HRH1: variants seen among roughly 807,000 people sequenced by gnomAD.
HRH1 encodes the protein histamine H1 receptor.
In HRH1, 6 loss-of-function variants were observed where a neutral mutation model predicts 10.3. The ratio of observed to expected loss-of-function variants is 0.58; its 90% CI spans 0.32 to 1.15. The LOEUF is 1.15. HRH1 is among the 50% of genes most tolerant of loss of function. The pLI is 0.05. For missense variants in HRH1, 514 were observed against 615.3 expected (o/e 0.84, Z 1.74); for synonymous variants, 242 against 236.7 (o/e 1.02, Z -0.21).
intron 1 of HRH1, among the ~76,000 whole-genome samples, chr3:11,219,714 CAAAAAAAA>C (rs58875644): frequency 1.3e-5 from 1 of 76,778 alleles, no homozygotes; most frequent in African/African-American, 5.0e-5. Flanking sequence ...GACTTCATCT[CAAAAAAAA>C]AAAAAAAAAA....
chr3:11,200,649 C>G (rs1559268666), intron 1 of HRH1, among the ~76,000 whole-genome samples: 1 of 152,172 alleles, frequency 6.6e-6, no homozygotes, highest in African/African-American at 2.4e-5. Flanking sequence ...ACTTATACCT[C>G]GCACAGAGTA....
chr3:11,260,017 G>A lies in HRH1; in HGVS notation c.980G>A (p.Ser327Asn). The change falls in exon 2 of 2, where the codon AGC (serine) becomes AAC (asparagine). Residue 327 changes from serine to asparagine, a missense_variant. By Grantham distance (46) the Ser-to-Asn change is conservative. Transcript: ENST00000431010. ...SSRDYVAVNRSHGQLKTDEQG... is the reference protein window; with the variant it reads ...SSRDYVAVNRNHGQLKTDEQG... The stretch of plus-strand genomic sequence containing the variant: ...AGGGACTATGTAGCCGTCAACCGGA[G>A]CCATGGCCAGCTCAAGACAGATGAG... 2 of 1,614,160 alleles carry A rather than the reference G, an allele frequency of 1.2e-6. No individual in the cohort carries two copies. The highest frequency in any genetic ancestry group is 1.7e-6 in the Non-Finnish European group (2 of 1,180,036).
At chr3:11,218,195 C>T (rs533718487) in intron 1 of HRH1, among the ~76,000 whole-genome samples, 109 of 152,112 alleles carry the variant, frequency 7.2e-4, no homozygotes, top group African/African-American at 2.6e-3. Context: ...GCCTGTAATC[C>T]CAGCACTTTG....
intron 1 of HRH1, chr3:11,234,652 T>C (rs1939129297): frequency 1.5e-6 from 2 of 1,317,936 alleles, no homozygotes; most frequent in African/African-American, 1.4e-5. Context: ...TATGATTCGA[T>C]CCTTCCCTTC....
intron 1 of HRH1, among the ~76,000 whole-genome samples, chr3:11,200,823 T>G (rs1254895038): frequency 1.3e-5 from 2 of 152,274 alleles, no homozygotes; most frequent in East Asian, 3.9e-4. Context: ...CTCCTTCATC[T>G]GGGAAATGGG....
chr3:11,234,499 G>T, intron 1 of HRH1: 1 of 1,461,062 alleles, frequency 6.8e-7, no homozygotes, highest in Non-Finnish European at 9.6e-7. Context: ...CACAGGGGCC[G>T]CTGGCCATTC....
chr3:11,159,871 T>C (rs1432234672), intron 1 of HRH1, among the ~76,000 whole-genome samples: 1 of 152,148 alleles, frequency 6.6e-6, no homozygotes, highest in Non-Finnish European at 1.5e-5. Flanking sequence ...AAGGAGGAAC[T>C]TGCTACCAAT....
chr3:11,258,341 G>A (rs1381839879), intron 1 of HRH1, among the ~76,000 whole-genome samples: 1 of 151,920 alleles, frequency 6.6e-6, no homozygotes, highest in East Asian at 1.9e-4. Flanking sequence ...TCCAGAGTTG[G>A]CTCAGCAGCT....
At chr3:11,242,965 G>A (rs1204208936) in intron 1 of HRH1, among the ~76,000 whole-genome samples, 2 of 151,832 alleles carry the variant, frequency 1.3e-5, no homozygotes, top group Admixed American at 6.6e-5. Context: ...CCAGGCTGGA[G>A]TGCAGTGGCA....
intron 1 of HRH1, among the ~76,000 whole-genome samples, chr3:11,144,429 A>ACATAGACG (rs1936369712): frequency 2.3e-5 from 1 of 44,368 alleles, no homozygotes; most frequent in Non-Finnish European, 6.2e-5. Context: ...GTATATATAC[A>ACATAGACG]TATAGACATA....
In HRH1 at chr3:11,260,283, C is replaced by T; in HGVS notation, c.1246C>T (p.Gln416Ter). ...HMNRERKAAK[Q>*]LGFIMAAFIL... is the part of the protein sequence containing the mutation. ...GAACCGCGAAAGGAAGGCCGCCAAA[C>T]AGTTGGGTTTTATCATGGCAGCCTT... is the stretch of plus-strand genomic sequence containing the variant. Residue 416 changes from glutamine to a stop codon, truncating the protein, a stop_gained, in exon 2 of 2, where the codon CAG becomes TAG. Transcript: ENST00000431010. LOFTEE classifies it high-confidence loss of function. 1.2e-6 allele frequency: 2 copies of T among 1,614,182 alleles called. No homozygotes were observed. Among genetic ancestry groups the T allele is most frequent in the Non-Finnish European group, 1.7e-6 (2 of 1,180,010 alleles).
intron 1 of HRH1, among the ~76,000 whole-genome samples, chr3:11,258,587 C>A (rs1425964668): frequency 6.6e-6 from 1 of 152,190 alleles, no homozygotes; most frequent in Non-Finnish European, 1.5e-5. Context: ...ATCTCATGGT[C>A]ACTCCTCTAT....
chr3:11,144,609 C>T (rs1181830094), intron 1 of HRH1, among the ~76,000 whole-genome samples: 3 of 151,520 alleles, frequency 2.0e-5, no homozygotes, highest in African/African-American at 4.8e-5. Flanking sequence ...ATATGTCCTA[C>T]AGCCCAGAGA....
chr3:11,204,002 G>T (rs1938027211), intron 1 of HRH1, among the ~76,000 whole-genome samples: 3 of 152,238 alleles, frequency 2.0e-5, no homozygotes, highest in Non-Finnish European at 1.5e-5. Context: ...CTACCTATAT[G>T]CCTGCTTCTA....
chr3:11,228,254 C>T (rs139961042), intron 1 of HRH1, among the ~76,000 whole-genome samples: 2 of 152,280 alleles, frequency 1.3e-5, no homozygotes, highest in East Asian at 1.9e-4. Flanking sequence ...CACAGTGGCT[C>T]GTGCCTGTAA....
At chr3:11,252,634 C>T (rs535394439) in intron 1 of HRH1, 2 of 152,292 alleles carry the variant, frequency 1.3e-5, no homozygotes, top group South Asian at 4.1e-4. Context: ...TATTACTGTA[C>T]TATCTGATTA....
At chr3:11,140,445 A>G (rs2124991090) in intron 1 of HRH1, among the ~76,000 whole-genome samples, 1 of 151,782 alleles carries the variant, frequency 6.6e-6, no homozygotes, top group Non-Finnish European at 1.5e-5. Flanking sequence ...TCTTCCACAC[A>G]CCCAGGCTTT....
chr3:11,255,832 G>C (rs141360278), intron 1 of HRH1, among the ~76,000 whole-genome samples: 1 of 152,288 alleles, frequency 6.6e-6, no homozygotes, highest in East Asian at 1.9e-4. Flanking sequence ...GTCTGACTTC[G>C]AACAGAATGG....
At chr3:11,159,696 T>G (rs1936887665) in intron 1 of HRH1, among the ~76,000 whole-genome samples, 1 of 152,262 alleles carries the variant, frequency 6.6e-6, no homozygotes, top group African/African-American at 2.4e-5. Flanking sequence ...ATCAAGGTTA[T>G]GCTGGCCTCA....
Sources: allele counts gnomAD v4.1 joint callset (sites outside exome capture counted in the v4.1 genomes callset), GRCh38; gene constraint gnomAD v4.1.1; transcripts MANE v1.5; gene names NCBI Gene and HGNC (gene_info 2026-07-23, HGNC 2026-07-21).